CNOT2: variants seen among roughly 807,000 people sequenced by gnomAD.
CNOT2 encodes CCR4-NOT transcription complex subunit 2, also known as CC chemokine receptor 4-negative regulator of transcription 2.
In CNOT2, 7 loss-of-function variants were observed where a neutral mutation model predicts 72.1. That is an observed-to-expected ratio of 0.10 (90% CI 0.06 to 0.18). The LOEUF (loss-of-function observed/expected upper bound fraction) is 0.18. Among genes scored for constraint, CNOT2 ranks in the 10% least tolerant of loss-of-function variants. CNOT2 has a pLI of 1.00. For synonymous variants in CNOT2, 196 were observed against 225.6 expected (o/e 0.87, Z 1.17); for missense variants, 345 against 660.3 (o/e 0.52, Z 5.23).
rs936108045 is a variant in CNOT2, at chr12:70,299,508, A to T, written c.49-11387A>T. Among the ~76,000 whole-genome samples the T allele has an allele frequency of 6.6e-5, 10 of 152,212 alleles. No individual in the cohort carries two copies. The South Asian group carries it at 8.3e-4, about 13-fold the overall frequency. ...TTGTCCTTGCGATAGTTTGCTGAGA[A>T]TAATGGTTTCCAGCTTCATCCACGT... is the stretch of plus-strand genomic sequence containing the variant. On this transcript the variant is annotated intron_variant, in intron 2 of 15. Coordinates refer to ENST00000229195, the MANE Select transcript of CNOT2 (RefSeq NM_014515.7).
intron 3 of CNOT2, among the ~76,000 whole-genome samples, chr12:70,311,974 T>C (rs1348452494): frequency 6.6e-6 from 1 of 152,008 alleles, no homozygotes; most frequent in Admixed American, 6.5e-5. Context: ...CAGCTTAACC[T>C]ACTAGGTTTA....
intron 1 of CNOT2, among the ~76,000 whole-genome samples, chr12:70,266,839 C>CTT (rs147817241): frequency 4.6e-5 from 7 of 151,668 alleles, no homozygotes; most frequent in African/African-American, 1.7e-4. Context: ...AGCATATAGT[C>CTT]TTTTTTTTGT....
At chr12:70,279,704 A>G (rs1593107513) in intron 2 of CNOT2, among the ~76,000 whole-genome samples, 1 of 152,330 alleles carries the variant, frequency 6.6e-6, no homozygotes, top group East Asian at 1.9e-4. Context: ...CTCATAATCC[A>G]ATTTGTAAAG....
In CNOT2 at chr12:70,341,629, C is replaced by T. The variant is rs559509275; in HGVS notation, c.1179-478C>T. 1.9e-3 allele frequency among the ~76,000 whole-genome samples: 291 copies of T among 152,198 alleles called. 2 individuals are homozygous for T. Among genetic ancestry groups the T allele is most frequent in the African/African-American group, 6.9e-3 (287 of 41,518 alleles). On this transcript the variant is annotated intron_variant, in intron 11 of 15. Transcript: ENST00000229195. Reference sequence around the variant, plus strand: ...GATCTTGTTTTGCTCACTGATGTGTCGTAAGCTCCTAGAACAGTGCCAGGC... The same window carrying T: ...GATCTTGTTTTGCTCACTGATGTGTTGTAAGCTCCTAGAACAGTGCCAGGC...
chr12:70,298,077 A>G (rs1460506244), intron 2 of CNOT2, among the ~76,000 whole-genome samples: 1 of 152,182 alleles, frequency 6.6e-6, no homozygotes, highest in Admixed American at 6.5e-5. Context: ...ATTTCTTTTA[A>G]GCATAACTTC....
chr12:70,344,296 A>G (rs909109822), intron 14 of CNOT2, 68 bp downstream of exon 14: 2 of 909,810 alleles, frequency 2.2e-6, no homozygotes, highest in Middle Eastern at 2.5e-4. Context: ...AACATCTTTA[A>G]GTGATGATGG....
In CNOT2 at chr12:70,353,813, G is replaced by A. The variant is rs772655295; in HGVS notation, c.1537-16G>A. On this transcript the variant is annotated splice_polypyrimidine_tract_variant and intron_variant, in intron 15 of 15. Transcript: ENST00000229195. ...AAAAGGGGAAGATATCTAAATTCTT[G>A]AATTTGTTTTTATAGGAGTTCCATC... is the stretch of plus-strand genomic sequence containing the variant. 6.7e-7 allele frequency: 1 copy of A among 1,502,148 alleles called. No homozygotes were observed. Among genetic ancestry groups the A allele is most frequent in the Non-Finnish European group, 8.9e-7 (1 of 1,117,338 alleles). The allele number at this position is 1,502,148 out of a possible 1,614,324, so 93.1% of individuals were successfully genotyped here. A position where few individuals can be genotyped will look rare whatever the true frequency, so the allele number is the denominator to read the frequency against.
chr12:70,260,575 G>T (rs1382889296), intron 1 of CNOT2, among the ~76,000 whole-genome samples: 1 of 151,776 alleles, frequency 6.6e-6, no homozygotes, highest in Non-Finnish European at 1.5e-5. Context: ...GTAAACTGTT[G>T]TATATTTTCA....
rs1555188153 is a variant in CNOT2 at position 70,265,273 on chromosome 12, T to TTCTTCTCTTCTCTCC, written c.-95-12846_-95-12845insCCTCTTCTCTTCTCT. 3.2e-3 allele frequency among the ~76,000 whole-genome samples: 400 copies of TTCTTCTCTTCTCTCC among 125,466 alleles called. 3 individuals carry two copies. Among genetic ancestry groups the TTCTTCTCTTCTCTCC allele is most frequent in the African/African-American group, 0.01 (372 of 35,800 alleles). The allele number at this position is 125,466 out of a possible 152,430, so 82.3% of individuals were successfully genotyped here. ...TACCAAACCTGGAGTTTCGTTTTGTTTCTTCTCTTCTCTTCTCTTCTCTTC... is the reference window on the plus strand; with the variant it reads ...TACCAAACCTGGAGTTTCGTTTTGTTTCTTCTCTTCTCTCCTCTTCTCTTCTCTTCTCTTCTCTTC... On this transcript the variant is annotated intron_variant, in intron 1 of 15. Transcript: ENST00000229195.
At chr12:70,255,497 G>A (rs1176529116) in intron 1 of CNOT2, among the ~76,000 whole-genome samples, 1 of 152,032 alleles carries the variant, frequency 6.6e-6, no homozygotes, top group Non-Finnish European at 1.5e-5. Flanking sequence ...TATAAGGCAA[G>A]CAGAATAGTA....
At chr12:70,273,693 C>T (rs1421582020) in intron 1 of CNOT2, among the ~76,000 whole-genome samples, 1 of 152,086 alleles carries the variant, frequency 6.6e-6, no homozygotes, top group Non-Finnish European at 1.5e-5. Context: ...GTAGGATTCC[C>T]TTTATAAGTA....
At chr12:70,315,205 T>G (rs1157019374) in intron 3 of CNOT2, among the ~76,000 whole-genome samples, 1 of 152,100 alleles carries the variant, frequency 6.6e-6, no homozygotes, top group Non-Finnish European at 1.5e-5. Context: ...TTTTCTTTTT[T>G]TGTGCCTGTT....
chr12:70,307,215 T>C (rs564353092), intron 2 of CNOT2, among the ~76,000 whole-genome samples: 1 of 152,336 alleles, frequency 6.6e-6, no homozygotes, highest in East Asian at 1.9e-4. Context: ...TCTCGAATAA[T>C]GAGTTAACCT....
chr12:70,273,121 T>G (rs1417305779), intron 1 of CNOT2, among the ~76,000 whole-genome samples: 1 of 152,160 alleles, frequency 6.6e-6, no homozygotes, highest in Non-Finnish European at 1.5e-5. Context: ...AACGCTAAAT[T>G]TTTTCAGCTA....
chr12:70,332,633 G>A, intron 6 of CNOT2, 134 bp from the exon 7 acceptor site: 2 of 1,218,744 alleles, frequency 1.6e-6, no homozygotes, highest in South Asian at 5.4e-5. Context: ...AATAGATTCA[G>A]AAAAATAATA....
chr12:70,250,341 T>G (rs1285654151), intron 1 of CNOT2, among the ~76,000 whole-genome samples: 1 of 152,166 alleles, frequency 6.6e-6, no homozygotes, highest in Non-Finnish European at 1.5e-5. Flanking sequence ...TGCTTTTTAG[T>G]AGTATTTGGA....
chr12:70,342,141 T>C lies in CNOT2; in HGVS notation c.1213T>C (p.Ser405Pro). ...CCCCAAATTTGCGTCACCCTGGGCA[T>C]CTTCACCTTGTCGACCTCAAGACAT... ...LYPKFASPWA[S>P]SPCRPQDIDF... The change falls in exon 12 of 16, where the codon TCT becomes CCT. Residue 405 changes from serine (S) to proline (P), a missense_variant. By Grantham distance (74) the Ser-to-Pro change is moderately conservative (BLOSUM62 -1). Transcript: ENST00000229195. The C allele has an allele frequency of 6.2e-7, 1 of 1,611,560 alleles. No individual in the cohort carries two copies. Among genetic ancestry groups the C allele is most frequent in the Non-Finnish European group, 8.5e-7 (1 of 1,177,740 alleles).
At chr12:70,322,674 A>G (rs937032787) in intron 4 of CNOT2, 2 of 151,746 alleles carry the variant, frequency 1.3e-5, no homozygotes, top group East Asian at 1.9e-4. Flanking sequence ...CTTGAGAACA[A>G]TGACATAGTC....
intron 1 of CNOT2, among the ~76,000 whole-genome samples, chr12:70,256,990 C>T (rs967598823): frequency 6.6e-6 from 1 of 152,054 alleles, no homozygotes; most frequent in Admixed American, 6.5e-5. Flanking sequence ...TCTTAATGGC[C>T]AGAGCATAAC....
Sources: allele counts gnomAD v4.1 joint callset (sites outside exome capture counted in the v4.1 genomes callset), GRCh38; gene constraint gnomAD v4.1.1; transcripts MANE v1.5; gene names NCBI Gene and HGNC (gene_info 2026-07-23, HGNC 2026-07-21).